Variants in ZNF600 observed in about 807,000 individuals in gnomAD.
ZNF600 encodes the protein zinc finger protein 600, also known as zinc finger protein KR-ZNF1.
In ZNF600, 4 loss-of-function variants were observed where a neutral mutation model predicts 7.3. That is an observed-to-expected ratio of 0.55 (90% CI 0.27 to 1.25). The LOEUF (loss-of-function observed/expected upper bound fraction) is 1.25. Among genes scored for constraint, ZNF600 ranks in the 50% most tolerant of loss-of-function variants. ZNF600 has a pLI of 0.12. For synonymous variants in ZNF600, 290 were observed against 308.9 expected (o/e 0.94, Z 0.64); for missense variants, 911 against 922.1 (o/e 0.99, Z 0.16).
At chr19:52,810,902 CCTCT>C in the ZNF600 span, among the ~76,000 whole-genome samples, 114 of 21,062 alleles carry the variant, frequency 5.4e-3, 5 homozygotes, top group African/African-American at 0.017. Flanking sequence ...CCTCCCCCTC[CCTCT>C]CCCTCTCCCT....
At chr19:52,802,740 T>C in the ZNF600 span, among the ~76,000 whole-genome samples, 9 of 150,600 alleles carry the variant, frequency 6.0e-5, no homozygotes, top group African/African-American at 2.2e-4. Flanking sequence ...CCTATATCCA[T>C]GTGGAACAGG....
chr19:52,778,629 T>C (rs1001404394), intron 2 of ZNF600, among the ~76,000 whole-genome samples, 197 bp downstream of exon 4: 9 of 152,240 alleles, frequency 5.9e-5, no homozygotes, highest in African/African-American at 1.2e-4. Context: ...CCAGTGGAGC[T>C]TCTTCCCAAG....
chr19:52,827,854 G>C, the ZNF600 span, among the ~76,000 whole-genome samples: 28 of 151,854 alleles, frequency 1.8e-4, no homozygotes, highest in Non-Finnish European at 3.8e-4. Context: ...CTAGAAGATG[G>C]AATTTAAGCG....
At chr19:52,822,870 T>A in the ZNF600 span, among the ~76,000 whole-genome samples, 1 of 152,252 alleles carries the variant, frequency 6.6e-6, no homozygotes, top group Non-Finnish European at 1.5e-5. Context: ...TTAGAATACA[T>A]AATTAACTAT....
the ZNF600 span, among the ~76,000 whole-genome samples, chr19:52,831,655 A>G: frequency 6.6e-6 from 1 of 151,990 alleles, no homozygotes; most frequent in Non-Finnish European, 1.5e-5. Flanking sequence ...GGTGCCCGCC[A>G]CCACGCCCAG....
the ZNF600 span, among the ~76,000 whole-genome samples, chr19:52,819,521 G>A: frequency 1.3e-5 from 1 of 76,040 alleles, no homozygotes; most frequent in East Asian, 2.1e-4. Context: ...TCATTTCAGT[G>A]GCCAGGGTCA....
chr19:52,776,802 T>C (rs1600389628), intron 2 of ZNF600, among the ~76,000 whole-genome samples: 1 of 152,162 alleles, frequency 6.6e-6, no homozygotes. Context: ...ACATAAACCA[T>C]GGGCTTATCC....
At chr19:52,786,862 C>G (rs1444781979), upstream of ZNF600, 2 of 220,354 alleles carry the variant, frequency 9.1e-6, no homozygotes, top group Admixed American at 4.3e-5. Context: ...AGAGACCTTG[C>G]CCTTTAGAAC....
At chr19:52,776,622 G>A (rs1247520089) in intron 2 of ZNF600, among the ~76,000 whole-genome samples, 2 of 152,048 alleles carry the variant, frequency 1.3e-5, no homozygotes, top group Non-Finnish European at 2.9e-5. Flanking sequence ...ATCTTAGCCA[G>A]GCTGGTCTCG....
chr19:52,778,436 T>C (rs1462365481), intron 2 of ZNF600, among the ~76,000 whole-genome samples: 2 of 152,186 alleles, frequency 1.3e-5, no homozygotes, highest in African/African-American at 2.4e-5. Flanking sequence ...TTTCCAGAAT[T>C]TACTAGATAT....
chr19:52,779,882 A>C (rs1969243978), intron 1 of ZNF600, among the ~76,000 whole-genome samples: 1 of 152,144 alleles, frequency 6.6e-6, no homozygotes, highest in African/African-American at 2.4e-5. Context: ...TCTACTAAAA[A>C]TACAAAACTG....
chr19:52,817,878 C>A, the ZNF600 span: 2 of 1,606,268 alleles, frequency 1.2e-6, no homozygotes, highest in Admixed American at 3.3e-5. Context: ...AGAAGACTCC[C>A]AACTCCAAGG....
chr19:52,784,350 T>C (rs2062747617), intron 1 of ZNF600, among the ~76,000 whole-genome samples: 1 of 152,140 alleles, frequency 6.6e-6, no homozygotes, highest in African/African-American at 2.4e-5. Flanking sequence ...AGGCTGCAGT[T>C]AGAGTAGAGA....
chr19:52,831,922 C>A, the ZNF600 span, among the ~76,000 whole-genome samples: 1 of 152,168 alleles, frequency 6.6e-6, no homozygotes, highest in African/African-American at 2.4e-5. Flanking sequence ...AGCCACCATG[C>A]CCAGCCCCTT....
the ZNF600 span, among the ~76,000 whole-genome samples, chr19:52,819,432 C>T: frequency 0.084 from 10,959 of 130,858 alleles, 1,612 homozygotes; most frequent in African/African-American, 0.22. Context: ...CTGCATCCCA[C>T]TGAAAATTCT....
At chr19:52,795,880 T>TC in the ZNF600 span, among the ~76,000 whole-genome samples, 1,309 of 145,020 alleles carry the variant, frequency 9.0e-3, 11 homozygotes, top group African/African-American at 0.016. Context: ...TTTTTTTTTT[T>TC]AATTAAGAAA....
chr19:52,782,102 C>T (rs2062727245), intron 1 of ZNF600, among the ~76,000 whole-genome samples: 2 of 151,894 alleles, frequency 1.3e-5, no homozygotes, highest in South Asian at 2.1e-4. Context: ...GTGGGGCGTG[C>T]CTGTGGTCCC....
chr19:52,810,593 C>G, the ZNF600 span: 3 of 1,558,586 alleles, frequency 1.9e-6, no homozygotes, highest in East Asian at 4.5e-5. Flanking sequence ...CTACCGCGCC[C>G]GACCACCAAC....
upstream of ZNF600, among the ~76,000 whole-genome samples, chr19:52,787,496 T>C (rs1279462961): frequency 1.4e-5 from 2 of 138,366 alleles, no homozygotes; most frequent in Non-Finnish European, 3.1e-5. Flanking sequence ...AAGCTCCGCC[T>C]CCCGGGTTCA....
Sources: gnomAD v4.1 joint callset for allele counts (sites outside exome capture counted in the v4.1 genomes callset) on GRCh38, gnomAD v4.1.1 for gene constraint, MANE v1.5 for transcripts, NCBI Gene and HGNC (gene_info 2026-07-23, HGNC 2026-07-21) for gene names.